PPM1H: variants seen among roughly 807,000 people sequenced by gnomAD.
The protein encoded by PPM1H is protein phosphatase 1H.
PPM1H carries 27 observed loss-of-function variants against 54.9 expected under a neutral mutation model. The ratio of observed to expected loss-of-function variants is 0.49; its 90% CI spans 0.36 to 0.68. The LOEUF (loss-of-function observed/expected upper bound fraction) is 0.68, where lower values mean the gene tolerates loss of function less well. PPM1H is among the 30% of genes least tolerant of loss of function. PPM1H has a pLI of 0.00. For missense variants in PPM1H, 596 were observed against 667.8 expected (o/e 0.89, Z 1.19); for synonymous variants, 305 against 270.8 (o/e 1.13, Z -1.24).
intron 7 of PPM1H, among the ~76,000 whole-genome samples, chr12:62,693,470 A>G (rs893321476): frequency 6.6e-6 from 1 of 152,184 alleles, no homozygotes; most frequent in African/African-American, 2.4e-5. Context: ...CGCGAAGCAG[A>G]CAGAAAGCCA....
Position 62,767,758 on chromosome 12 carries a change from G to A in PPM1H, c.869+20468C>T, listed in dbSNP as rs191992083. Among the ~76,000 whole-genome samples, 46 of 152,266 alleles carry A rather than the reference G, an allele frequency of 3.0e-4. No individual in the cohort carries two copies. In the East Asian group the frequency reaches 8.5e-3, roughly 28 times the overall value. ...AGTCTGGAAGCCTGAAATCAAAATC[G>A]TAGGGCCACGCTCCTTCTGAAGGCT... On this transcript the variant is annotated intron_variant, in intron 4 of 9. Coordinates refer to ENST00000228705, the MANE Select transcript of PPM1H (RefSeq NM_020700.2).
chr12:62,898,401 T>G (rs1565823371), intron 1 of PPM1H, among the ~76,000 whole-genome samples: 1 of 152,180 alleles, frequency 6.6e-6, no homozygotes, highest in African/African-American at 2.4e-5. Context: ...ATATTCAGTG[T>G]GGGGCGACAA....
chr12:62,706,755 G>C (rs949515327), intron 6 of PPM1H, among the ~76,000 whole-genome samples: 6 of 152,104 alleles, frequency 3.9e-5, no homozygotes, highest in Non-Finnish European at 4.4e-5. Flanking sequence ...CTAGGAATCT[G>C]CATAAATGCC....
chr12:62,712,972 C>T (rs1181731031), intron 6 of PPM1H, among the ~76,000 whole-genome samples: 2 of 152,220 alleles, frequency 1.3e-5, no homozygotes, highest in East Asian at 1.9e-4. Flanking sequence ...TGTGGCGTTT[C>T]TCAATCTGCT....
intron 8 of PPM1H, among the ~76,000 whole-genome samples, chr12:62,673,515 T>C (rs1222413683): frequency 6.6e-6 from 1 of 152,112 alleles, no homozygotes; most frequent in Non-Finnish European, 1.5e-5. Flanking sequence ...TTCTCTAGGA[T>C]GCCCTCACAG....
At chr12:62,800,634 G>C (rs767520766) in intron 3 of PPM1H, among the ~76,000 whole-genome samples, 28 of 152,092 alleles carry the variant, frequency 1.8e-4, no homozygotes, top group Non-Finnish European at 3.7e-4. Context: ...ACCGTGCCCG[G>C]CCTGTAATCT....
rs1179717548 is a variant in PPM1H at position 62,667,169 on chromosome 12, T to C, written c.1397+9A>G. The C allele has an allele frequency of 6.4e-7, 1 of 1,563,538 alleles. No individual in the cohort carries two copies. The highest frequency in any genetic ancestry group is 1.4e-5 in the African/African-American group (1 of 73,224). On this transcript the variant is annotated intron_variant, in intron 9 of 9. Coordinates refer to ENST00000228705, the MANE Select transcript of PPM1H (RefSeq NM_020700.2). ...AGGAACAACCCTACAATTGTAGAAATGCACAAACCTGTGAGGATCATCTGG... is the reference window on the plus strand; with the variant it reads ...AGGAACAACCCTACAATTGTAGAAACGCACAAACCTGTGAGGATCATCTGG...
At chr12:62,651,782 G>A (rs141350305) in intron 9 of PPM1H, among the ~76,000 whole-genome samples, 125 of 152,174 alleles carry the variant, frequency 8.2e-4, no homozygotes, top group African/African-American at 2.9e-3. Flanking sequence ...CTACTAATCT[G>A]TCCTCTTAAA....
chr12:62,885,489 T>C (rs1358873283), intron 1 of PPM1H, among the ~76,000 whole-genome samples: 1 of 152,164 alleles, frequency 6.6e-6, no homozygotes, highest in Non-Finnish European at 1.5e-5. Flanking sequence ...TGAGAAACCT[T>C]AGTTACACAG....
intron 6 of PPM1H, among the ~76,000 whole-genome samples, chr12:62,708,153 C>T (rs919761546): frequency 2.6e-5 from 4 of 152,242 alleles, no homozygotes; most frequent in Non-Finnish European, 5.9e-5. Context: ...CTGGCTCTTA[C>T]AGAGAGATCT....
chr12:62,804,363 ATTGT>A (rs1000164789), intron 2 of PPM1H, among the ~76,000 whole-genome samples: 1 of 151,650 alleles, frequency 6.6e-6, no homozygotes, highest in African/African-American at 2.4e-5. Flanking sequence ...AAAAAAAAAG[ATTGT>A]TTAAGAAAAT....
intron 3 of PPM1H, among the ~76,000 whole-genome samples, chr12:62,790,253 G>A (rs1212284185): frequency 6.6e-6 from 1 of 152,204 alleles, no homozygotes; most frequent in Non-Finnish European, 1.5e-5. Context: ...AAACAGAAGA[G>A]CTTGAGCTTA....
At chr12:62,705,020 C>T (rs1396348526) in intron 6 of PPM1H, among the ~76,000 whole-genome samples, 3 of 152,220 alleles carry the variant, frequency 2.0e-5, no homozygotes, top group Non-Finnish European at 4.4e-5. Flanking sequence ...AGATTGCTCT[C>T]ATTTTGCTGG....
intron 4 of PPM1H, among the ~76,000 whole-genome samples, chr12:62,744,877 C>T (rs577724288): frequency 6.6e-6 from 1 of 152,314 alleles, no homozygotes; most frequent in Non-Finnish European, 1.5e-5. Context: ...CTCCCTGGCC[C>T]TACAACCCTC....
chr12:62,817,308 A>G (rs1031962378), intron 2 of PPM1H, among the ~76,000 whole-genome samples: 10 of 151,444 alleles, frequency 6.6e-5, no homozygotes, highest in African/African-American at 1.9e-4. Context: ...TAAAAATACA[A>G]AAAATTAGCC....
chr12:62,926,818 G>A (rs886418519), intron 1 of PPM1H, among the ~76,000 whole-genome samples: 2 of 152,244 alleles, frequency 1.3e-5, no homozygotes, highest in Non-Finnish European at 2.9e-5. Context: ...GCCAGGCATG[G>A]TGGCGCATGC....
At chr12:62,843,017 G>A (rs1294742880) in intron 1 of PPM1H, among the ~76,000 whole-genome samples, 3 of 152,144 alleles carry the variant, frequency 2.0e-5, no homozygotes, top group Admixed American at 1.3e-4. Context: ...AAAAAGAAAT[G>A]TTAAAAGTGT....
intron 1 of PPM1H, among the ~76,000 whole-genome samples, chr12:62,837,320 A>T (rs1333096453): frequency 6.6e-6 from 1 of 152,256 alleles, no homozygotes; most frequent in East Asian, 1.9e-4. Flanking sequence ...AAGTACCTCA[A>T]GTATTCTCAC....
intron 6 of PPM1H, among the ~76,000 whole-genome samples, chr12:62,696,554 T>A (rs1334650065): frequency 3.9e-5 from 6 of 152,170 alleles, no homozygotes; most frequent in Admixed American, 3.3e-4. Flanking sequence ...TGGACTTCCA[T>A]CCATAGTTAC....
Sources: allele counts gnomAD v4.1 joint callset (sites outside exome capture counted in the v4.1 genomes callset), GRCh38; gene constraint gnomAD v4.1.1; transcripts MANE v1.5; gene names NCBI Gene and HGNC (gene_info 2026-07-23, HGNC 2026-07-21).